The following GTF2H1 variants were observed in gnomAD, a reference collection of about 807,000 sequenced individuals.
The protein encoded by GTF2H1 is general transcription factor IIH subunit 1, also known as BTF2 p62.
In GTF2H1, 16 loss-of-function variants were observed where a neutral mutation model predicts 71.2. The observed-to-expected ratio is 0.22, with a 90% confidence interval of 0.15 to 0.34. The LOEUF is 0.34. Among genes scored for constraint, GTF2H1 ranks in the 10% least tolerant of loss-of-function variants. GTF2H1 has a pLI of 1.00. For synonymous variants in GTF2H1, 215 were observed against 219.0 expected (o/e 0.98, Z 0.16); for missense variants, 498 against 648.2 (o/e 0.77, Z 2.52).
chr11:18,326,893 G>T (rs753360454), intron 1 of GTF2H1, among the ~76,000 whole-genome samples: 2 of 151,770 alleles, frequency 1.3e-5, no homozygotes, highest in Non-Finnish European at 2.9e-5. Flanking sequence ...AATTTGTATG[G>T]TTTGCAGTCC....
At chr11:18,334,210 T>G (rs1864968734) in intron 2 of GTF2H1, among the ~76,000 whole-genome samples, 1 of 152,126 alleles carries the variant, frequency 6.6e-6, no homozygotes, top group Non-Finnish European at 1.5e-5. Context: ...AAACCCCATC[T>G]CTACTAAACA....
chr11:18,330,625 C>T (rs1447909977), intron 1 of GTF2H1, among the ~76,000 whole-genome samples: 2 of 152,212 alleles, frequency 1.3e-5, no homozygotes, highest in African/African-American at 4.8e-5. Context: ...GAAAGGCTGA[C>T]TTGTAGCTTA....
At chr11:18,356,244 G>A (rs905390615) in intron 11 of GTF2H1, among the ~76,000 whole-genome samples, 2 of 152,072 alleles carry the variant, frequency 1.3e-5, no homozygotes, top group Admixed American at 6.6e-5. Flanking sequence ...TGGGTATGGT[G>A]GTGCGTACCT....
At chr11:18,323,166 C>T (rs1000190934) in intron 1 of GTF2H1, among the ~76,000 whole-genome samples, 3 of 152,144 alleles carry the variant, frequency 2.0e-5, no homozygotes, top group African/African-American at 7.2e-5. Flanking sequence ...CGTGCCAGTC[C>T]ACACACTCCT....
intron 1 of GTF2H1, among the ~76,000 whole-genome samples, chr11:18,329,630 C>T (rs1388019211): frequency 6.6e-6 from 1 of 152,198 alleles, no homozygotes; most frequent in East Asian, 1.9e-4. Context: ...CCATCTTAAC[C>T]ATCCAACCTC....
At position 18,351,955 on chromosome 11, in the gene GTF2H1, C is replaced by T. The variant is rs752486252; in HGVS notation, c.1128C>T (p.Leu376=). ...CTGTAAAAACGATTGCACTAAACCT[C>T]AAGAAGTCAGATAGGTAAGTTTGGT... ...NNSVKTIALN[L]KKSDRYYHGP... The change falls in exon 10 of 15, where the codon CTC becomes CTT. Residue 376 remains leucine, a synonymous_variant. Transcript: ENST00000265963. The T allele has an allele frequency of 6.3e-7, 1 of 1,581,682 alleles. No homozygotes were observed. The highest frequency in any genetic ancestry group is 1.1e-5 in the South Asian group (1 of 90,362).
At position 18,341,618 on chromosome 11, in the gene GTF2H1, A is replaced by G. The variant is rs905875014; in HGVS notation, c.837+11A>G. On this transcript the variant is annotated intron_variant, in intron 7 of 14. Coordinates refer to ENST00000265963, the MANE Select transcript of GTF2H1 (RefSeq NM_005316.4). The stretch of plus-strand genomic sequence containing the variant: ...AAACCATTAGATGAGGTAAGAAGCA[A>G]TAAAAGAAGTTTTGAGAGAAAAGAG... The G allele has an allele frequency of 2.8e-5, 44 of 1,547,530 alleles. 1 individual carries two copies. Among genetic ancestry groups the G allele is most frequent in the Non-Finnish European group, 3.7e-5 (42 of 1,129,170 alleles).
At chr11:18,365,070 T>TAAAAAA (rs372254821) in intron 14 of GTF2H1, among the ~76,000 whole-genome samples, 1 of 111,506 alleles carries the variant, frequency 9.0e-6, no homozygotes, top group Non-Finnish European at 1.9e-5. Context: ...TCTCCACTAT[T>TAAAAAA]TAAAAAAGAA....
chr11:18,340,903 G>T (rs1187300552), intron 5 of GTF2H1, among the ~76,000 whole-genome samples: 2 of 152,124 alleles, frequency 1.3e-5, no homozygotes, highest in South Asian at 2.1e-4. Context: ...TGGATATTGA[G>T]ATCATTATTA....
At chr11:18,363,876 C>T (rs952574471) in intron 14 of GTF2H1, among the ~76,000 whole-genome samples, 2 of 151,976 alleles carry the variant, frequency 1.3e-5, no homozygotes, top group African/African-American at 4.8e-5. Context: ...AGTTCGAGAC[C>T]AGCCTGGCCA....
In GTF2H1 at chr11:18,347,900, T is replaced by A. The variant is rs1865335099; in HGVS notation, c.1034T>A (p.Phe345Tyr). The change falls in exon 9 of 15, where the codon TTT becomes TAT. Residue 345 changes from phenylalanine (F) to tyrosine (Y), a missense_variant. Around this residue, in one of 3 missense-constraint regions of GTF2H1, gnomAD observed 266 missense variants for 301.6 expected, o/e 0.88. Transcript: ENST00000265963. ...GGAAATTCCGGAGATGCAGACTGCTTTCAGCCAGCAGTCAAAAGGGTATGG... is the reference window on the plus strand; with the variant it reads ...GGAAATTCCGGAGATGCAGACTGCTATCAGCCAGCAGTCAAAAGGGTATGG... ...MDGNSGDADC[F>Y]QPAVKRAKLQ... The A allele has an allele frequency of 6.2e-7, 1 of 1,613,170 alleles. No individual in the cohort carries two copies. Among genetic ancestry groups the A allele is most frequent in the Non-Finnish European group, 8.5e-7 (1 of 1,179,102 alleles).
intron 4 of GTF2H1, among the ~76,000 whole-genome samples, chr11:18,338,859 AT>A (rs1865093179): frequency 6.6e-6 from 1 of 152,190 alleles, no homozygotes; most frequent in African/African-American, 2.4e-5. Flanking sequence ...TGGTAGTCAA[AT>A]GGAATTTGAA....
At chr11:18,347,544 A>C (rs1363984793) in intron 7 of GTF2H1, 44 bp from the exon 8 acceptor site, 2 of 1,448,350 alleles carry the variant, frequency 1.4e-6, no homozygotes, top group East Asian at 2.5e-5. Context: ...TAATAAGAAA[A>C]GCAGAACCTT....
intron 14 of GTF2H1, among the ~76,000 whole-genome samples, chr11:18,365,261 C>G (rs533826610): frequency 7.2e-5 from 11 of 152,062 alleles, no homozygotes; most frequent in African/African-American, 2.7e-4. Context: ...GGTTGTAATC[C>G]TAGCTACTCG....
intron 14 of GTF2H1, among the ~76,000 whole-genome samples, chr11:18,365,351 C>T (rs1865797215): frequency 6.6e-6 from 1 of 151,992 alleles, no homozygotes; most frequent in African/African-American, 2.4e-5. Context: ...GCACTCCAGC[C>T]TGGGTGACAG....
intron 13 of GTF2H1, 151 bp from the exon 14 acceptor site, chr11:18,360,464 A>G: frequency 2.0e-6 from 1 of 511,524 alleles, no homozygotes; most frequent in Admixed American, 4.1e-5. Flanking sequence ...TGAAGGGTTA[A>G]CAATGTGATA....
At chr11:18,360,790 A>T in intron 14 of GTF2H1, 83 bp downstream of exon 14, 1 of 712,948 alleles carries the variant, frequency 1.4e-6, no homozygotes, top group Non-Finnish European at 2.4e-6. Flanking sequence ...CATGTAAATG[A>T]GTAGATACTT....
chr11:18,329,497 C>G (rs1009358662), intron 1 of GTF2H1, among the ~76,000 whole-genome samples: 1 of 152,202 alleles, frequency 6.6e-6, no homozygotes. Context: ...CTTGTCCCTT[C>G]CTCTCCAGTC....
At chr11:18,360,517 C>G (rs1401769140) in intron 13 of GTF2H1, 98 bp from the exon 14 acceptor site, 5 of 588,394 alleles carry the variant, frequency 8.5e-6, no homozygotes, top group African/African-American at 7.8e-5. Flanking sequence ...TAAAAAAATT[C>G]TACAAGAAAA....
Sources: gnomAD v4.1 joint callset for allele counts (sites outside exome capture counted in the v4.1 genomes callset) on GRCh38, gnomAD v4.1.1 for gene constraint, gnomAD v4.1.1 regional missense constraint, MANE v1.5 for transcripts, NCBI Gene and HGNC (gene_info 2026-07-23, HGNC 2026-07-21) for gene names.